Variants in FAR2 observed in about 807,000 individuals in gnomAD.
FAR2 encodes the protein fatty acyl-CoA reductase 2.
In FAR2, 19 loss-of-function variants were observed where a neutral mutation model predicts 56.0. That is an observed-to-expected ratio of 0.34 (90% CI 0.24 to 0.50). FAR2 has a LOEUF of 0.50. Among genes scored for constraint, FAR2 ranks in the 20% least tolerant of loss-of-function variants. The probability of loss-of-function intolerance (pLI) is 0.98; values close to 1 mark genes in which losing one functional copy is unlikely to be tolerated. For missense variants in FAR2, 508 were observed against 642.2 expected (o/e 0.79, Z 2.26); for synonymous variants, 219 against 218.8 (o/e 1.00, Z -0.01).
At chr12:29,304,547 A>G (rs1949225117) in intron 4 of FAR2, among the ~76,000 whole-genome samples, 1 of 152,212 alleles carries the variant, frequency 6.6e-6, no homozygotes, top group Non-Finnish European at 1.5e-5. Flanking sequence ...ATAAACTACT[A>G]GGCTTGCCCA....
intron 9 of FAR2, chr12:29,317,667 GATAATCTTAAATAT>G (rs1949475828): frequency 6.6e-6 from 1 of 152,668 alleles, no homozygotes; most frequent in African/African-American, 2.4e-5. Flanking sequence ...TGAATAGGTA[GATAATCTTAAATAT>G]ACAATAATGA....
chr12:29,274,834 C>T (rs1360967404), intron 2 of FAR2, among the ~76,000 whole-genome samples: 1 of 149,284 alleles, frequency 6.7e-6, no homozygotes, highest in Non-Finnish European at 1.5e-5. Flanking sequence ...AAACGGCCCC[C>T]ACCCCTATCT....
intron 1 of FAR2, among the ~76,000 whole-genome samples, chr12:29,230,333 G>T (rs965823961): frequency 6.6e-6 from 1 of 152,016 alleles, no homozygotes; most frequent in Non-Finnish European, 1.5e-5. Context: ...CTCTGGGTAG[G>T]GGGAGGAGTG....
At chr12:29,325,194 A>G (rs1949624808) in intron 10 of FAR2, among the ~76,000 whole-genome samples, 1 of 152,226 alleles carries the variant, frequency 6.6e-6, no homozygotes, top group South Asian at 2.1e-4. Context: ...CAGCAAGAAG[A>G]GCTAACTATC....
At chr12:29,212,507 T>C (rs1947562575) in intron 1 of FAR2, among the ~76,000 whole-genome samples, 1 of 152,198 alleles carries the variant, frequency 6.6e-6, no homozygotes, top group Non-Finnish European at 1.5e-5. Flanking sequence ...ATGTCTTCTT[T>C]TCCTATCATT....
At chr12:29,257,785 A>G (rs1044229876) in intron 1 of FAR2, among the ~76,000 whole-genome samples, 1 of 152,148 alleles carries the variant, frequency 6.6e-6, no homozygotes, top group Admixed American at 6.5e-5. Flanking sequence ...ATCAGAAGGA[A>G]CAAACTCCGG....
At chr12:29,274,828 G>A (rs1415926952) in intron 2 of FAR2, among the ~76,000 whole-genome samples, 1 of 137,480 alleles carries the variant, frequency 7.3e-6, no homozygotes, top group Non-Finnish European at 1.5e-5. Context: ...CCTATAAAAC[G>A]GCCCCCACCC....
chr12:29,272,812 GT>G (rs1292852630), intron 2 of FAR2, among the ~76,000 whole-genome samples: 1 of 152,152 alleles, frequency 6.6e-6, no homozygotes, highest in Admixed American at 6.5e-5. Flanking sequence ...CTTGGATAGG[GT>G]TTTTGTGTGG....
chr12:29,179,503 G>A (rs141279862), intron 1 of FAR2, among the ~76,000 whole-genome samples: 2 of 152,264 alleles, frequency 1.3e-5, no homozygotes, highest in East Asian at 3.9e-4. Context: ...TTCAACAGAA[G>A]ACAGAACTGA....
chr12:29,268,370 CCAAT>C (rs1356197161), intron 1 of FAR2, among the ~76,000 whole-genome samples: 1 of 152,188 alleles, frequency 6.6e-6, no homozygotes, highest in Non-Finnish European at 1.5e-5. Flanking sequence ...GCTGCTGTCT[CCAAT>C]CAATTATCTC....
At chr12:29,332,533 C>T in intron 10 of FAR2, 67 bp from the exon 11 acceptor site, 1 of 1,599,596 alleles carries the variant, frequency 6.3e-7, no homozygotes, top group Non-Finnish European at 8.5e-7. Context: ...TAGAAGAAAC[C>T]TCAAGTGGAC....
At chr12:29,194,141 G>C (rs1210856502) in intron 1 of FAR2, among the ~76,000 whole-genome samples, 1 of 152,082 alleles carries the variant, frequency 6.6e-6, no homozygotes, top group Non-Finnish European at 1.5e-5. Flanking sequence ...CCTTCAAATG[G>C]AGTATATATT....
chr12:29,203,481 G>A (rs775092771), intron 1 of FAR2, among the ~76,000 whole-genome samples: 2 of 152,248 alleles, frequency 1.3e-5, no homozygotes, highest in East Asian at 3.9e-4. Flanking sequence ...AGTGGGAATG[G>A]TCTACATACT....
chr12:29,247,111 G>T (rs987155900), intron 1 of FAR2, among the ~76,000 whole-genome samples: 19 of 152,038 alleles, frequency 1.2e-4, no homozygotes, highest in African/African-American at 4.6e-4. Context: ...CACAGGTTAC[G>T]ATCAGTAACT....
chr12:29,250,702 G>A (rs1259729973), intron 1 of FAR2, among the ~76,000 whole-genome samples: 3 of 152,110 alleles, frequency 2.0e-5, no homozygotes, highest in African/African-American at 7.2e-5. Context: ...TAGCTGCCAA[G>A]CCATCAAGCA....
At chr12:29,293,274 T>C in intron 2 of FAR2, 26 bp from the exon 3 acceptor site, 5 of 1,485,666 alleles carry the variant, frequency 3.4e-6, no homozygotes, top group South Asian at 1.4e-5. Context: ...CTATTTTTTG[T>C]ATATTGATCT....
rs1321905547 is a variant in FAR2 at position 29,307,727 on chromosome 12, C to G, written c.615C>G (p.Thr205=). 6.2e-7 allele frequency: 1 copy of G among 1,613,892 alleles called. No homozygotes were observed. The highest frequency in any genetic ancestry group is 8.5e-7 in the Non-Finnish European group (1 of 1,179,908). Residue 205 remains threonine (T), a synonymous_variant, in exon 5 of 12, where the codon ACC becomes ACG. Transcript: ENST00000536681. ...KLIRDWPNIY[T]YTKALGEMVV... Reference sequence around the variant, plus strand: ...TCAGAGATTGGCCCAATATTTATACCTACACCAAGGCCTTGGGAGAAATGG... The same window carrying G: ...TCAGAGATTGGCCCAATATTTATACGTACACCAAGGCCTTGGGAGAAATGG...
At chr12:29,239,184 G>C (rs572180221) in intron 1 of FAR2, among the ~76,000 whole-genome samples, 1 of 152,268 alleles carries the variant, frequency 6.6e-6, no homozygotes, top group South Asian at 2.1e-4. Context: ...GGACCTGCCT[G>C]TTCACAAGGA....
At chr12:29,227,687 C>T (rs958248698) in intron 1 of FAR2, among the ~76,000 whole-genome samples, 5 of 152,050 alleles carry the variant, frequency 3.3e-5, no homozygotes, top group African/African-American at 1.2e-4. Flanking sequence ...TTCAAGAATA[C>T]TGAAATAAGA....
Sources: allele counts gnomAD v4.1 joint callset (sites outside exome capture counted in the v4.1 genomes callset), GRCh38; gene constraint gnomAD v4.1.1; transcripts MANE v1.5; gene names NCBI Gene and HGNC (gene_info 2026-07-23, HGNC 2026-07-21).